PRELID3B: variants seen among roughly 807,000 people sequenced by gnomAD.
PRELID3B encodes PRELI domain containing 3B.
PRELID3B carries 15 observed loss-of-function variants against 24.0 expected under a neutral mutation model. The ratio of observed to expected loss-of-function variants is 0.63; its 90% CI spans 0.42 to 0.96. PRELID3B has a LOEUF of 0.96. Among genes scored for constraint, PRELID3B ranks in the 40% least tolerant of loss-of-function variants. PRELID3B has a pLI of 0.00. For missense variants in PRELID3B, 189 were observed against 236.0 expected (o/e 0.80, Z 1.30); for synonymous variants, 62 against 76.0 (o/e 0.82, Z 0.96).
At chr20:59,038,388 A>T in intron 2 of PRELID3B, 78 bp downstream of exon 2, 1 of 1,276,050 alleles carries the variant, frequency 7.8e-7, no homozygotes, top group Non-Finnish European at 1.1e-6. Flanking sequence ...GGCTCCCACA[A>T]CCTATTTGAA....
intron 1 of PRELID3B, 116 bp downstream of exon 1, chr20:59,042,583 C>G: frequency 9.3e-7 from 1 of 1,071,388 alleles, no homozygotes; most frequent in South Asian, 1.4e-5. Context: ...CTTCAGAGTT[C>G]GCTCCCCTCG....
intron 1 of PRELID3B, 125 bp from the exon 2 acceptor site, chr20:59,038,759 G>A (rs1444233831): frequency 1.6e-6 from 2 of 1,227,648 alleles, no homozygotes; most frequent in Admixed American, 2.9e-5. Context: ...AGTTTACCTA[G>A]GAAAAATTAC....
In PRELID3B at chr20:59,033,455, T is replaced by A. The variant is rs373148599; in HGVS notation, c.*1552A>T. ...AAGCAGATTTTCATCAAATATCAATTATTTAGCGATGTTTTATTTAGCTGA... is the reference window on the plus strand; with the variant it reads ...AAGCAGATTTTCATCAAATATCAATAATTTAGCGATGTTTTATTTAGCTGA... On this transcript the variant is annotated 3_prime_UTR_variant, in exon 6 of 6. Transcript: ENST00000355937. The A allele has an allele frequency of 6.6e-6, 1 of 152,216 alleles. No individual in the cohort carries two copies. Among genetic ancestry groups the A allele is most frequent in the Non-Finnish European group, 1.5e-5 (1 of 68,022 alleles). The allele number at this position is 152,216 out of a possible 1,614,324, so 9.4% of individuals were successfully genotyped here.
intron 1 of PRELID3B, 141 bp downstream of exon 1, chr20:59,042,558 G>C: frequency 1.1e-6 from 1 of 891,878 alleles, no homozygotes; most frequent in East Asian, 2.9e-5. Context: ...CCTCCGTGTC[G>C]CCGGGGCCCG....
At chr20:59,036,784 AAG>A in intron 3 of PRELID3B, 24 bp from the exon 4 acceptor site, 3 of 1,456,152 alleles carry the variant, frequency 2.1e-6, no homozygotes, top group Non-Finnish European at 2.8e-6. Context: ...AAAAAAAAAA[AAG>A]ATCAAATCAT....
Position 59,034,869 on chromosome 20 carries a change from C to T in PRELID3B, c.*138G>A. On this transcript the variant is annotated 3_prime_UTR_variant, in exon 6 of 6. Coordinates refer to ENST00000355937, the MANE Select transcript of PRELID3B (RefSeq NM_016045.3). ...CCCTGCATCTGTTTTGATCAAGTCA[C>T]ATAGCCTTACACCAACTTATCAAAA... The T allele has an allele frequency of 1.5e-6, 1 of 669,276 alleles. No individual in the cohort carries two copies. The highest frequency in any genetic ancestry group is 2.1e-6 in the Non-Finnish European group (1 of 468,768). 41.5% of individuals were successfully genotyped at this position (669,276 alleles called of 1,614,324 possible). A position where few individuals can be genotyped will look rare whatever the true frequency, so the allele number is the denominator to read the frequency against.
intron 5 of PRELID3B, among the ~76,000 whole-genome samples, 174 bp from the exon 6 acceptor site, chr20:59,035,300 G>A (rs1035623982): frequency 2.0e-5 from 3 of 152,200 alleles, no homozygotes; most frequent in Admixed American, 6.5e-5. Flanking sequence ...CAAATGCCTT[G>A]AGCAACTGGC....
chr20:59,042,776 G>A lies in PRELID3B; in HGVS notation c.-46C>T. 6.3e-7 allele frequency: 1 copy of A among 1,576,442 alleles called. No individual in the cohort carries two copies. Among genetic ancestry groups the A allele is most frequent in the South Asian group, 1.2e-5 (1 of 86,344 alleles). On this transcript the variant is annotated 5_prime_UTR_variant, in exon 1 of 6. Coordinates refer to ENST00000355937, the MANE Select transcript of PRELID3B (RefSeq NM_016045.3). The stretch of plus-strand genomic sequence containing the variant: ...TGTCCGGGTAGCGCCAGGGGACAAC[G>A]AGGCACAGAGGCTACACCTGCCCCT...
rs1568695578 is a variant in PRELID3B at position 59,033,817 on chromosome 20, TAAAAC to T, written c.*1185_*1189del. On this transcript the variant is annotated 3_prime_UTR_variant, in exon 6 of 6. Coordinates refer to ENST00000355937, the MANE Select transcript of PRELID3B (RefSeq NM_016045.3). ...GTAGTTAATTGCCTGCTACAATACA[TAAAAC>T]AAAGTACATTTACTGGATTGTTTTT... 1 of 152,226 alleles carries T rather than the reference TAAAAC, an allele frequency of 6.6e-6. No individual in the cohort carries two copies. Among genetic ancestry groups the T allele is most frequent in the Non-Finnish European group, 1.5e-5 (1 of 68,028 alleles). 9.4% of individuals were successfully genotyped at this position (152,226 alleles called of 1,614,324 possible). A position where few individuals can be genotyped will look rare whatever the true frequency, so the allele number is the denominator to read the frequency against.
At chr20:59,036,221 G>A (rs560547800) in intron 5 of PRELID3B, among the ~76,000 whole-genome samples, 136 of 152,204 alleles carry the variant, frequency 8.9e-4, no homozygotes, top group Non-Finnish European at 1.7e-3. Flanking sequence ...CCTGTAAAAC[G>A]GGTAATCTCC....
At chr20:59,035,965 G>A (rs1601249626) in intron 5 of PRELID3B, among the ~76,000 whole-genome samples, 1 of 152,028 alleles carries the variant, frequency 6.6e-6, no homozygotes, top group African/African-American at 2.4e-5. Context: ...ATTGGTTCTT[G>A]GGGGGATGGA....
intron 2 of PRELID3B, chr20:59,038,144 A>G: frequency 4.5e-6 from 1 of 220,886 alleles, no homozygotes; most frequent in South Asian, 1.1e-4. Flanking sequence ...TCACCTAACA[A>G]TTATGACCAG....
At chr20:59,037,458 G>A (rs2092081774) in intron 2 of PRELID3B, among the ~76,000 whole-genome samples, 178 bp from the exon 3 acceptor site, 1 of 152,246 alleles carries the variant, frequency 6.6e-6, no homozygotes, top group East Asian at 1.9e-4. Flanking sequence ...TCATGGATGA[G>A]AGGAGACTGC....
At position 59,036,774 on chromosome 20, in the gene PRELID3B, A is replaced by G. The variant is rs764300562; in HGVS notation, c.292-14T>C. ...TGTAAATGAAATCTACAGAATGAAG[A>G]AAAAAAAAAAAGATCAAATCATTTT... On this transcript the variant is annotated splice_polypyrimidine_tract_variant and intron_variant, in intron 3 of 5. Coordinates refer to ENST00000355937, the MANE Select transcript of PRELID3B (RefSeq NM_016045.3). The G allele has an allele frequency of 1.2e-5, 9 of 764,384 alleles. No individual in the cohort carries two copies. The highest frequency in any genetic ancestry group is 1.9e-5 in the African/African-American group (1 of 53,830). 47.4% of individuals were successfully genotyped at this position (764,384 alleles called of 1,614,324 possible).
At chr20:59,037,555 G>A (rs2092082669) in intron 2 of PRELID3B, among the ~76,000 whole-genome samples, 3 of 152,196 alleles carry the variant, frequency 2.0e-5, no homozygotes, top group East Asian at 1.9e-4. Flanking sequence ...AATCTGCCGC[G>A]GTGCGACGGT....
At chr20:59,041,263 A>C (rs547797460) in intron 1 of PRELID3B, among the ~76,000 whole-genome samples, 1 of 152,332 alleles carries the variant, frequency 6.6e-6, no homozygotes, top group African/African-American at 2.4e-5. Flanking sequence ...ATGAACATCT[A>C]AATGACCACA....
At chr20:59,039,287 T>C (rs375987221) in intron 1 of PRELID3B, among the ~76,000 whole-genome samples, 1 of 152,258 alleles carries the variant, frequency 6.6e-6, no homozygotes, top group African/African-American at 2.4e-5. Context: ...ACTCCTAATA[T>C]ACTATTTTCT....
At position 59,033,851 on chromosome 20, in the gene PRELID3B, T is replaced by C. The variant is rs2092051195; in HGVS notation, c.*1156A>G. 6.6e-6 allele frequency: 1 copy of C among 152,214 alleles called. No homozygotes were observed. 9.4% of individuals were successfully genotyped at this position (152,214 alleles called of 1,614,324 possible). A position where few individuals can be genotyped will look rare whatever the true frequency, so the allele number is the denominator to read the frequency against. The stretch of plus-strand genomic sequence containing the variant: ...GTACATTTACTGGATTGTTTTTCAG[T>C]TTGCAGCTGCCCTCTTGACATCCCA... On this transcript the variant is annotated 3_prime_UTR_variant, in exon 6 of 6. Transcript: ENST00000355937.
chr20:59,041,717 A>T (rs939805647), intron 1 of PRELID3B, among the ~76,000 whole-genome samples: 4 of 152,202 alleles, frequency 2.6e-5, no homozygotes, highest in Admixed American at 6.5e-5. Context: ...CCTGGGCAAC[A>T]GAGCGAGACT....
Sources: allele counts gnomAD v4.1 joint callset (sites outside exome capture counted in the v4.1 genomes callset), GRCh38; gene constraint gnomAD v4.1.1; transcripts MANE v1.5; gene names NCBI Gene and HGNC (gene_info 2026-07-23, HGNC 2026-07-21).